Variants in GFRA2 observed in about 807,000 individuals in gnomAD.
GFRA2 encodes the protein GDNF family receptor alpha-2.
A neutral mutation model predicts 48.3 loss-of-function variants in GFRA2; 17 were observed. That is an observed-to-expected ratio of 0.35 (90% CI 0.24 to 0.53). The LOEUF (loss-of-function observed/expected upper bound fraction) is 0.53, where lower values mean the gene tolerates loss of function less well. Ranked by LOEUF, GFRA2 falls within the 20% of genes least tolerant of loss-of-function variation. The pLI is 0.93. For synonymous variants in GFRA2, 305 were observed against 257.2 expected, an observed-to-expected ratio of 1.19 and a Z score of -1.78; for missense variants, 660 against 637.3, an observed-to-expected ratio of 1.04 and a Z score of -0.38.
At chr8:21,704,731 A>G (rs891689738) in intron 6 of GFRA2, among the ~76,000 whole-genome samples, 1 of 152,230 alleles carries the variant, frequency 6.6e-6, no homozygotes, top group Non-Finnish European at 1.5e-5. Flanking sequence ...AGCTGTCCCA[A>G]TAACAAACCA....
chr8:21,760,132 C>T (rs1018096979), intron 3 of GFRA2, among the ~76,000 whole-genome samples: 8 of 152,112 alleles, frequency 5.3e-5, no homozygotes, highest in African/African-American at 1.7e-4. Context: ...CTGGAGGAGG[C>T]AGAAGTTAGA....
chr8:21,792,736 G>A (rs987223350), upstream of GFRA2, among the ~76,000 whole-genome samples: 322 of 152,280 alleles, frequency 2.1e-3, 2 homozygotes, highest in Non-Finnish European at 3.4e-3. Context: ...CACTCCAGGT[G>A]AGCAAACAGC....
chr8:21,706,042 C>A lies in GFRA2; in HGVS notation c.795-1G>T. 1 of 1,557,632 alleles carries A rather than the reference C, an allele frequency of 6.4e-7. No individual in the cohort carries two copies. On this transcript the variant is annotated splice_acceptor_variant, in intron 4 of 8. Coordinates refer to ENST00000524240, the MANE Select transcript of GFRA2 (RefSeq NM_001495.5). LOFTEE classifies it high-confidence loss of function. ...GGCATGGAAGTCGGCCAGCCGGGAC[C>A]TGGTGGTGGGTAGAAGACGCAATAG...
chr8:21,753,997 AC>A (rs1448842557), intron 3 of GFRA2, among the ~76,000 whole-genome samples: 1 of 152,176 alleles, frequency 6.6e-6, no homozygotes, highest in Admixed American at 6.5e-5. Flanking sequence ...CCACAGCCAT[AC>A]AACCACTCTC....
chr8:21,767,051 C>T (rs1806196096), intron 3 of GFRA2, among the ~76,000 whole-genome samples: 1 of 117,804 alleles, frequency 8.5e-6, no homozygotes, highest in Non-Finnish European at 1.9e-5. Context: ...AAAACCACCA[C>T]ACACGCATCA....
At position 21,769,175 on chromosome 8, in the gene GFRA2, G is replaced by C. The variant is rs1044668919; in HGVS notation, c.439+5797C>G. ...GATTCTCTTACAGCAGTGGTTGACC[G>C]TCTCCGGAACACACAGAGCACTCAT... On this transcript the variant is annotated intron_variant, in intron 3 of 8. Coordinates refer to ENST00000524240, the MANE Select transcript of GFRA2 (RefSeq NM_001495.5). 7.1e-5 allele frequency: 70 copies of C among 984,850 alleles called. 1 individual carries two copies. The African/African-American group carries it at 1.1e-3, about 15-fold the overall frequency. The allele number at this position is 984,850 out of a possible 1,614,324, so 61.0% of individuals were successfully genotyped here. A position where few individuals can be genotyped will look rare whatever the true frequency, so the allele number is the denominator to read the frequency against.
At chr8:21,754,505 CTTTTTTTTTTT>C (rs59344047) in intron 3 of GFRA2, among the ~76,000 whole-genome samples, 3 of 121,228 alleles carry the variant, frequency 2.5e-5, no homozygotes, top group Non-Finnish European at 3.4e-5. Context: ...CTTTTTTTTT[CTTTTTTTTTTT>C]TTTTTTTTTG....
At chr8:21,738,918 T>C (rs946962972) in intron 4 of GFRA2, among the ~76,000 whole-genome samples, 2 of 152,204 alleles carry the variant, frequency 1.3e-5, no homozygotes, top group African/African-American at 4.8e-5. Context: ...AGAGCTTCCA[T>C]GGAGGTGCTA....
intron 3 of GFRA2, among the ~76,000 whole-genome samples, chr8:21,773,169 C>G (rs1806518736): frequency 6.6e-6 from 1 of 152,254 alleles, no homozygotes; most frequent in African/African-American, 2.4e-5. Context: ...GGGAAGGACT[C>G]TCAGCCCCAT....
rs1805922236 is a variant in GFRA2, at chr8:21,761,752, C to T, written c.440-10810G>A. ...ATTGCTTGAGGCCAGGAGTTCGAGA[C>T]CAGCCTGGCCAACATGGTGAAACCC... On this transcript the variant is annotated intron_variant, in intron 3 of 8. Coordinates refer to ENST00000524240, the MANE Select transcript of GFRA2 (RefSeq NM_001495.5). 2.0e-5 allele frequency among the ~76,000 whole-genome samples: 3 copies of T among 152,150 alleles called. No individual in the cohort carries two copies. In the East Asian group the frequency reaches 5.8e-4, roughly 30 times the overall value.
chr8:21,789,609 C>A (rs981848013), upstream of GFRA2, among the ~76,000 whole-genome samples: 1 of 152,122 alleles, frequency 6.6e-6, no homozygotes, highest in East Asian at 1.9e-4. Flanking sequence ...GGCGCCGGCC[C>A]CGCGCGCCCC....
intron 1 of GFRA2, among the ~76,000 whole-genome samples, chr8:21,808,956 G>A (rs1017404115): frequency 6.6e-6 from 1 of 152,100 alleles, no homozygotes. Flanking sequence ...TTTTATCACG[G>A]GTATTTTTAG....
chr8:21,782,777 A>G lies in GFRA2; in HGVS notation c.163T>C (p.Ser55Pro). The G allele has an allele frequency of 6.3e-7, 1 of 1,591,598 alleles. No individual in the cohort carries two copies. The highest frequency in any genetic ancestry group is 8.5e-7 in the Non-Finnish European group (1 of 1,171,650). The change falls in exon 2 of 9, where the codon TCT becomes CCT. Residue 55 changes from serine to proline, a missense_variant. Transcript: ENST00000524240. ...CACTGCCGCAGAGTGCGGTAGCGAG[A>G]GCTGCAGTTGGATTCGGCGGCACAC... ...ELCAAESNCS[S>P]RYRTLRQCLA...
At chr8:21,721,561 T>C (rs1195271520) in intron 4 of GFRA2, among the ~76,000 whole-genome samples, 3 of 152,206 alleles carry the variant, frequency 2.0e-5, no homozygotes, top group Non-Finnish European at 2.9e-5. Context: ...CATGCCTAAG[T>C]GGCTGTGATA....
At chr8:21,697,540 G>T (rs763684296) in intron 7 of GFRA2, among the ~76,000 whole-genome samples, 1 of 152,086 alleles carries the variant, frequency 6.6e-6, no homozygotes, top group Non-Finnish European at 1.5e-5. Flanking sequence ...GGCGGGAGGG[G>T]CAGAGAGAAA....
At chr8:21,775,150 G>T in intron 2 of GFRA2, 95 bp from the exon 3 acceptor site, 1 of 706,462 alleles carries the variant, frequency 1.4e-6, no homozygotes. Flanking sequence ...TCTACCAGGG[G>T]AAAGCTCGTG....
chr8:21,789,038 G>A (rs1452531631), upstream of GFRA2, among the ~76,000 whole-genome samples: 3 of 151,300 alleles, frequency 2.0e-5, no homozygotes, highest in Non-Finnish European at 3.0e-5. Context: ...GCGGCGCGGG[G>A]CGCGGGGCGC....
intron 6 of GFRA2, among the ~76,000 whole-genome samples, chr8:21,703,866 C>T (rs1057289549): frequency 1.2e-4 from 18 of 152,330 alleles, no homozygotes; most frequent in African/African-American, 3.8e-4. Flanking sequence ...GTCAGGTCAC[C>T]TGTCAGAATT....
At chr8:21,768,922 C>T (rs1319872144) in intron 3 of GFRA2, among the ~76,000 whole-genome samples, 1 of 152,174 alleles carries the variant, frequency 6.6e-6, no homozygotes, top group African/African-American at 2.4e-5. Flanking sequence ...TCCTTCATCA[C>T]CCCAGGCTTA....
Sources: allele counts gnomAD v4.1 joint callset (sites outside exome capture counted in the v4.1 genomes callset), GRCh38; gene constraint gnomAD v4.1.1; transcripts MANE v1.5; gene names NCBI Gene and HGNC (gene_info 2026-07-23, HGNC 2026-07-21).